Variants in ABCC8 observed in about 807,000 individuals in gnomAD.
ABCC8 encodes ATP binding cassette subfamily C member 8, also known as ATP-binding cassette sub-family C member 8.
Under a neutral mutation model 188.0 loss-of-function variants are expected in ABCC8, and 137 were observed. That is an observed-to-expected ratio of 0.73 (90% confidence interval 0.63 to 0.84). ABCC8 has a LOEUF of 0.84. Among genes scored for constraint, ABCC8 ranks in the 40% least tolerant of loss-of-function variants. The pLI is 0.00. For synonymous variants in ABCC8, 797 were observed against 846.5 expected, an observed-to-expected ratio of 0.94 and a Z score of 1.01; for missense variants, 1,750 against 2,072.7, an observed-to-expected ratio of 0.84 and a Z score of 3.02.
chr11:17,460,856 T>G, intron 5 of ABCC8, 180 bp from the exon 6 acceptor site: 2 of 1,262,628 alleles, frequency 1.6e-6, no homozygotes, highest in Non-Finnish European at 2.1e-6. Context: ...GGGAGGGCCC[T>G]ATCAACACCA....
At chr11:17,435,867 G>T in intron 10 of ABCC8, 1 of 1,251,504 alleles carries the variant, frequency 8.0e-7, no homozygotes, top group South Asian at 1.2e-5. Flanking sequence ...CCGGACACAG[G>T]GACTTCACGC....
At chr11:17,428,692 AC>A (rs1271059582) in intron 12 of ABCC8, 22 bp from the exon 13 acceptor site, 1 of 1,609,052 alleles carries the variant, frequency 6.2e-7, no homozygotes, top group Non-Finnish European at 8.5e-7. Context: ...GCACAGAGAC[AC>A]CCCTCACCCC....
At position 17,393,034 on chromosome 11, in the gene ABCC8, C is replaced by A; in HGVS notation, c.4703G>T (p.Arg1568Leu). The A allele has an allele frequency of 6.2e-7, 1 of 1,614,160 alleles. No homozygotes were observed. The highest frequency in any genetic ancestry group is 8.5e-7 in the Non-Finnish European group (1 of 1,180,044). The change falls in exon 39 of 39, where the codon CGG becomes CTG. Residue 1568 changes from arginine (R) to leucine (L), a missense_variant. Coordinates refer to ENST00000389817, the MANE Select transcript of ABCC8 (RefSeq NM_000352.6). The stretch of plus-strand genomic sequence containing the variant: ...GAAGGAGGCGAAGACGCTGTCCTTC[C>A]GGCTGAGCAGCTTCTCTGGCTTATC... ...EFDKPEKLLS[R>L]KDSVFASFVR...
At chr11:17,420,331 G>A (rs1350443136) in intron 16 of ABCC8, among the ~76,000 whole-genome samples, 1 of 152,178 alleles carries the variant, frequency 6.6e-6, no homozygotes, top group Non-Finnish European at 1.5e-5. Context: ...GTCTCAGAGA[G>A]GTGAAGTAAC....
At chr11:17,453,089 G>A in intron 7 of ABCC8, 30 bp downstream of exon 7, 1 of 1,568,736 alleles carries the variant, frequency 6.4e-7, no homozygotes, top group Non-Finnish European at 8.8e-7. Flanking sequence ...TGGTTCTTAT[G>A]GCAAAGTGAA....
rs371724951 is a variant in ABCC8, at chr11:17,428,307, A to G, written c.2022T>C (p.Ala674=). The change falls in exon 14 of 39, where the codon GCT becomes GCC. Residue 674 remains alanine (A), a synonymous_variant. Coordinates refer to ENST00000389817, the MANE Select transcript of ABCC8 (RefSeq NM_000352.6). ...QSLVPSADGD[A]DNCCVQIMGG... ...GACTCACCTGGACACAGCAGTTGTC[A>G]GCATCGCCATCTGCACTGGGGACCA... The G allele has an allele frequency of 2.0e-5, 33 of 1,614,062 alleles. No homozygotes were observed. The highest frequency in any genetic ancestry group is 2.8e-5 in the Non-Finnish European group (33 of 1,180,048).
Position 17,395,905 on chromosome 11 carries a change from C to T in ABCC8, c.4145G>A (p.Ser1382Asn). 1 of 1,589,240 alleles carries T rather than the reference C, an allele frequency of 6.3e-7. No homozygotes were observed. The highest frequency in any genetic ancestry group is 8.6e-7 in the Non-Finnish European group (1 of 1,166,752). ...GGCAAGAGAGAAGGAGGACTTCCCA[C>T]TGCCGGTGCGGCCGCAGATCCCGAT... Reference protein sequence around the residue: ...QKIGICGRTGSGKSSFSLAFF... With the variant: ...QKIGICGRTGNGKSSFSLAFF... Residue 1382 changes from serine (S) to asparagine (N), a missense_variant, in exon 34 of 39, where the codon AGT becomes AAT. By Grantham distance (46) the Ser-to-Asn change is conservative. Transcript: ENST00000389817.
At chr11:17,426,580 C>T (rs1281460211) in intron 16 of ABCC8, among the ~76,000 whole-genome samples, 2 of 152,192 alleles carry the variant, frequency 1.3e-5, no homozygotes, top group East Asian at 3.9e-4. Context: ...ATCTTCAGAA[C>T]ACCCACTTAT....
In ABCC8 at chr11:17,407,467, G is replaced by A; in HGVS notation, c.2821-14C>T. The stretch of plus-strand genomic sequence containing the variant: ...TGTGACAGTCTCCTAAAAGACAGAT[G>A]TGGCCTGGGCAATGTCTTCAGGATA... On this transcript the variant is annotated splice_polypyrimidine_tract_variant and intron_variant, in intron 23 of 38. Coordinates refer to ENST00000389817, the MANE Select transcript of ABCC8 (RefSeq NM_000352.6). 6.2e-7 allele frequency: 1 copy of A among 1,614,154 alleles called. No homozygotes were observed. Among genetic ancestry groups the A allele is most frequent in the Non-Finnish European group, 8.5e-7 (1 of 1,180,014 alleles).
At chr11:17,454,809 A>C (rs1410780710) in intron 6 of ABCC8, among the ~76,000 whole-genome samples, 1 of 152,150 alleles carries the variant, frequency 6.6e-6, no homozygotes, top group Non-Finnish European at 1.5e-5. Context: ...GATGTCAAAA[A>C]CACTACCCCA....
At chr11:17,454,944 T>C (rs1251687410) in intron 6 of ABCC8, among the ~76,000 whole-genome samples, 1 of 152,202 alleles carries the variant, frequency 6.6e-6, no homozygotes, top group Non-Finnish European at 1.5e-5. Context: ...AATATAGGCA[T>C]GTGGGTTTAG....
chr11:17,450,539 C>G (rs1591854882), intron 7 of ABCC8, among the ~76,000 whole-genome samples: 1 of 145,402 alleles, frequency 6.9e-6, no homozygotes, highest in Admixed American at 6.9e-5. Flanking sequence ...GGACTACAGG[C>G]ACCCGCCACC....
chr11:17,415,992 A>G (rs1158278419), intron 17 of ABCC8, among the ~76,000 whole-genome samples: 4 of 152,228 alleles, frequency 2.6e-5, no homozygotes, highest in Non-Finnish European at 4.4e-5. Flanking sequence ...TCATCCACAT[A>G]TGCAAACTTG....
rs113719324 is a variant in ABCC8 at position 17,402,373 on chromosome 11, G to T, written c.3650+288C>A. Among the ~76,000 whole-genome samples, 1,320 of 152,280 alleles carry T rather than the reference G, an allele frequency of 8.7e-3. 7 individuals carry two copies. The highest frequency in any genetic ancestry group is 0.015 in the Non-Finnish European group (1,008 of 68,020). ...GCCCGCACCTAAGGCCCTTTCTAGC[G>T]TTGATACATGAAGACTTGTCCCAGC... On this transcript the variant is annotated intron_variant, in intron 29 of 38. Coordinates refer to ENST00000389817, the MANE Select transcript of ABCC8 (RefSeq NM_000352.6).
chr11:17,436,081 G>T, intron 10 of ABCC8: 1 of 904,508 alleles, frequency 1.1e-6, no homozygotes, highest in South Asian at 1.3e-5. Context: ...CTCTTCTTTG[G>T]CTGTGATTCC....
chr11:17,430,726 CA>C (rs937354220), intron 12 of ABCC8, 87 bp downstream of exon 12: 3 of 1,455,020 alleles, frequency 2.1e-6, no homozygotes, highest in Non-Finnish European at 2.9e-6. Flanking sequence ...CGGGACCAAA[CA>C]GCTGTGGTTT....
chr11:17,395,013 C>G, intron 36 of ABCC8, 159 bp downstream of exon 36: 1 of 916,124 alleles, frequency 1.1e-6, no homozygotes, highest in Non-Finnish European at 1.7e-6. Context: ...AGACACCTGA[C>G]CTCTCTGGGC....
rs548145918 is a variant in ABCC8 at position 17,413,380 on chromosome 11, A to G, written c.2475+14T>C. 2.5e-6 allele frequency: 4 copies of G among 1,614,146 alleles called. No individual in the cohort carries two copies. In the South Asian group the frequency reaches 4.4e-5, roughly 18 times the overall value. ...TCCTGGCTTTGAAAAAACCCCTCAG[A>G]GGCTGCTACTAACCCGTTCCCCAAT... On this transcript the variant is annotated intron_variant, in intron 20 of 38. Transcript: ENST00000389817.
chr11:17,398,552 C>G, intron 29 of ABCC8, 111 bp from the exon 30 acceptor site: 9 of 1,554,122 alleles, frequency 5.8e-6, no homozygotes, highest in Admixed American at 1.9e-5. Context: ...CCCAGACATG[C>G]CACCGTGGCC....
Sources: gnomAD v4.1 joint callset for allele counts (sites outside exome capture counted in the v4.1 genomes callset) on GRCh38, gnomAD v4.1.1 for gene constraint, MANE v1.5 for transcripts, NCBI Gene and HGNC (gene_info 2026-07-23, HGNC 2026-07-21) for gene names.